The following FAT3 variants were observed in gnomAD, a reference collection of about 807,000 sequenced individuals.
The protein encoded by FAT3 is protocadherin Fat 3.
Under a neutral mutation model 310.2 loss-of-function variants are expected in FAT3, and 95 were observed. The ratio of observed to expected loss-of-function variants is 0.31; its 90% CI spans 0.26 to 0.36. FAT3 has a LOEUF of 0.36. Ranked by LOEUF, FAT3 falls within the 10% of genes least tolerant of loss-of-function variation. The pLI, the probability that FAT3 is intolerant of heterozygous loss-of-function variation, is 1.00. For missense variants in FAT3, 5,408 were observed against 5,715.6 expected, an observed-to-expected ratio of 0.95 and a Z score of 1.74; for synonymous variants, 2,314 against 2,192.9, an observed-to-expected ratio of 1.06 and a Z score of -1.54.
intron 1 of FAT3, among the ~76,000 whole-genome samples, chr11:92,313,623 A>G (rs978396214): frequency 3.3e-5 from 5 of 152,078 alleles, no homozygotes; most frequent in Non-Finnish European, 7.4e-5. Context: ...GCAGTGGTGC[A>G]ATCTTGGCTC....
intron 2 of FAT3, among the ~76,000 whole-genome samples, chr11:92,504,412 G>A (rs1422355760): frequency 6.6e-6 from 1 of 152,060 alleles, no homozygotes; most frequent in African/African-American, 2.4e-5. Context: ...ACAGAAGGAA[G>A]GGTTTCCAAA....
intron 2 of FAT3, among the ~76,000 whole-genome samples, chr11:92,431,570 A>T (rs1348800231): frequency 6.6e-6 from 1 of 152,010 alleles, no homozygotes; most frequent in Non-Finnish European, 1.5e-5. Context: ...GGTGTTTTAG[A>T]CATGAAGTCC....
intron 1 of FAT3, among the ~76,000 whole-genome samples, chr11:92,316,297 G>A (rs934726988): frequency 1.3e-5 from 2 of 152,138 alleles, no homozygotes; most frequent in African/African-American, 2.4e-5. Flanking sequence ...GAAAAGGAGT[G>A]AGATTTCAGT....
At chr11:92,582,597 G>C (rs1378705812) in intron 3 of FAT3, among the ~76,000 whole-genome samples, 2 of 151,974 alleles carry the variant, frequency 1.3e-5, no homozygotes, top group Non-Finnish European at 2.9e-5. Context: ...AGAGGCATTG[G>C]ATAATTTTTC....
chr11:92,632,084 T>G (rs536690231), intron 3 of FAT3, among the ~76,000 whole-genome samples: 1 of 152,354 alleles, frequency 6.6e-6, no homozygotes, highest in South Asian at 2.1e-4. Flanking sequence ...AGTTACTGTT[T>G]TAAGGATTAT....
Position 92,353,732 on chromosome 11 carries a change from A to G in FAT3, c.1620A>G (p.Pro540=). The change falls in exon 2 of 28, where the codon CCA becomes CCG. Residue 540 remains proline (P), a synonymous_variant. Transcript: ENST00000525166. ...TTEELDFESS[P]EIYRFIVRAS... ...AAGAACTGGATTTTGAATCCTCCCC[A>G]GAAATTTACAGATTCATTGTTAGAG... 6.2e-7 allele frequency: 1 copy of G among 1,613,908 alleles called. No homozygotes were observed. The highest frequency in any genetic ancestry group is 8.5e-7 in the Non-Finnish European group (1 of 1,179,858).
intron 2 of FAT3, among the ~76,000 whole-genome samples, chr11:92,464,546 G>C (rs567223154): frequency 8.5e-5 from 13 of 152,280 alleles, no homozygotes; most frequent in African/African-American, 3.1e-4. Context: ...TCGTGGCATG[G>C]ATGCCTCAGC....
intron 3 of FAT3, among the ~76,000 whole-genome samples, chr11:92,608,391 G>A (rs1263368581): frequency 6.6e-6 from 1 of 152,034 alleles, no homozygotes; most frequent in Non-Finnish European, 1.5e-5. Context: ...GCTGTTAGTT[G>A]TTACTTTTCA....
intron 3 of FAT3, among the ~76,000 whole-genome samples, chr11:92,663,068 G>A (rs910818621): frequency 1.3e-5 from 2 of 152,194 alleles, no homozygotes; most frequent in Non-Finnish European, 2.9e-5. Context: ...TGGGAAGCAC[G>A]TGTTCCGGAA....
chr11:92,805,386 T>C, intron 11 of FAT3, 37 bp downstream of exon 11: 1 of 1,559,908 alleles, frequency 6.4e-7, no homozygotes, highest in Non-Finnish European at 8.7e-7. Context: ...TTTACTCTGC[T>C]TCTCCAAAAT....
chr11:92,770,670 A>T (rs1291369615), intron 6 of FAT3, among the ~76,000 whole-genome samples: 1 of 152,088 alleles, frequency 6.6e-6, no homozygotes, highest in Non-Finnish European at 1.5e-5. Context: ...TGGAGTGGAA[A>T]AGAATCATAT....
intron 2 of FAT3, among the ~76,000 whole-genome samples, chr11:92,447,454 G>C (rs1951248322): frequency 6.6e-6 from 1 of 151,974 alleles, no homozygotes; most frequent in South Asian, 2.1e-4. Context: ...GCACTTCAAG[G>C]TGTGCCATCC....
At position 92,315,495 on chromosome 11, in the gene FAT3, A is replaced by G. The variant is rs1341609464; in HGVS notation, c.-17-36601A>G. ...TGTGTGTGTGTATATATATATATATATATATATATATATATATAGAGAGAG... is the reference window on the plus strand; with the variant it reads ...TGTGTGTGTGTATATATATATATATGTATATATATATATATATAGAGAGAG... On this transcript the variant is annotated intron_variant, in intron 1 of 27. Transcript: ENST00000525166. Among the ~76,000 whole-genome samples the G allele has an allele frequency of 1.2e-3, 102 of 88,106 alleles. 1 individual carries two copies. Among genetic ancestry groups the G allele is most frequent in the African/African-American group, 4.1e-3 (95 of 23,318 alleles). The allele number at this position is 88,106 out of a possible 152,430, so 57.8% of individuals were successfully genotyped here.
At chr11:92,816,375 C>T (rs1386777421) in intron 13 of FAT3, among the ~76,000 whole-genome samples, 1 of 152,180 alleles carries the variant, frequency 6.6e-6, no homozygotes, top group Non-Finnish European at 1.5e-5. Flanking sequence ...AAGGTCACAG[C>T]AGAGGGGAAG....
chr11:92,805,288 C>T lies in FAT3; in HGVS notation c.9032C>T (p.Thr3011Ile), dbSNP rs112113306. The T allele has an allele frequency of 9.2e-4, 1,478 of 1,613,790 alleles. 1 individual carries two copies. The highest frequency in any genetic ancestry group is 1.2e-3 in the Non-Finnish European group (1,367 of 1,179,824). ...NITATDGLFV[T>I]QAMVEVSVSD... ...ACTGCCACTGATGGGCTTTTTGTCA[C>T]ACAGGCCATGGTGGAAGTGAGCGTC... The change falls in exon 11 of 28, where the codon ACA (threonine) becomes ATA (isoleucine). Residue 3011 changes from threonine to isoleucine, a missense_variant. By Grantham distance (89) the Thr-to-Ile change is moderately conservative. Around this residue, in one of 5 missense-constraint regions of FAT3, gnomAD observed 4,588 missense variants for 4,809.8 expected, o/e 0.95. Transcript: ENST00000525166.
At chr11:92,383,255 T>A (rs1949541351) in intron 2 of FAT3, among the ~76,000 whole-genome samples, 1 of 152,210 alleles carries the variant, frequency 6.6e-6, no homozygotes, top group Non-Finnish European at 1.5e-5. Context: ...ACGTTTAGGT[T>A]GAATCTATGT....
At chr11:92,427,106 G>A (rs1425628116) in intron 2 of FAT3, among the ~76,000 whole-genome samples, 1 of 152,080 alleles carries the variant, frequency 6.6e-6, no homozygotes, top group Admixed American at 6.6e-5. Flanking sequence ...CTTGTAAGTT[G>A]TATTCCTAGG....
intron 2 of FAT3, among the ~76,000 whole-genome samples, chr11:92,398,855 C>G (rs1359231333): frequency 6.6e-6 from 1 of 152,278 alleles, no homozygotes; most frequent in Non-Finnish European, 1.5e-5. Context: ...CTGTTTGGGA[C>G]AGTGTTCTGA....
At chr11:92,776,311 G>T (rs568070836) in intron 7 of FAT3, among the ~76,000 whole-genome samples, 1 of 152,234 alleles carries the variant, frequency 6.6e-6, no homozygotes, top group Admixed American at 6.5e-5. Context: ...AGATATGCTG[G>T]ATCTCCAAAG....
Sources: allele counts gnomAD v4.1 joint callset (sites outside exome capture counted in the v4.1 genomes callset), GRCh38; gene constraint gnomAD v4.1.1; regional missense constraint gnomAD v4.1.1; transcripts MANE v1.5; gene names NCBI Gene and HGNC (gene_info 2026-07-23, HGNC 2026-07-21).